Variants in ATP8B4 observed in about 807,000 individuals in gnomAD.
ATP8B4 encodes probable phospholipid-transporting ATPase IM.
In ATP8B4, 133 loss-of-function variants were observed where a neutral mutation model predicts 145.6. The observed-to-expected ratio is 0.91, with a 90% CI of 0.79 to 1.05. The LOEUF (loss-of-function observed/expected upper bound fraction) is 1.05, where lower values mean the gene tolerates loss of function less well. ATP8B4 is among the 50% of genes least tolerant of loss of function. The probability of loss-of-function intolerance (pLI) is 0.00; values close to 1 mark genes in which losing one functional copy is unlikely to be tolerated. For missense variants in ATP8B4, 1,458 were observed against 1,425.2 expected (o/e 1.02, Z -0.37); for synonymous variants, 507 against 492.9 (o/e 1.03, Z -0.38).
At chr15:49,943,842 G>A (rs1439799576) in intron 14 of ATP8B4, among the ~76,000 whole-genome samples, 1 of 152,158 alleles carries the variant, frequency 6.6e-6, no homozygotes, top group Non-Finnish European at 1.5e-5. Flanking sequence ...TGTAATGGTG[G>A]TAGTTAAATC....
At chr15:50,039,839 G>A (rs1461379168) in intron 5 of ATP8B4, among the ~76,000 whole-genome samples, 1 of 151,918 alleles carries the variant, frequency 6.6e-6, no homozygotes, top group Non-Finnish European at 1.5e-5. Flanking sequence ...ATTATGCTAT[G>A]CCCAGTACAT....
intron 19 of ATP8B4, chr15:49,917,286 T>A: frequency 2.4e-6 from 1 of 419,960 alleles, no homozygotes; most frequent in Non-Finnish European, 4.2e-6. Context: ...TGCAGCCTTC[T>A]CATCTAGTTT....
chr15:50,003,180 C>T (rs557129130), intron 7 of ATP8B4, among the ~76,000 whole-genome samples: 15 of 151,662 alleles, frequency 9.9e-5, no homozygotes, highest in Admixed American at 3.3e-4. Context: ...ATTAGAATTG[C>T]TTTGTTCTTG....
At chr15:50,119,791 TC>T (rs1351834960), upstream of ATP8B4, among the ~76,000 whole-genome samples, 7 of 134,162 alleles carry the variant, frequency 5.2e-5, no homozygotes, top group Non-Finnish European at 9.3e-5. Context: ...CAGGGGAAGT[TC>T]AGCTCTCTTA....
At chr15:50,092,304 C>T (rs2055662283) in intron 2 of ATP8B4, among the ~76,000 whole-genome samples, 2 of 152,074 alleles carry the variant, frequency 1.3e-5, no homozygotes, top group Admixed American at 1.3e-4. Flanking sequence ...TGAAGGAAGA[C>T]ATTATCCAGA....
chr15:49,978,256 G>A (rs551639403), intron 12 of ATP8B4, among the ~76,000 whole-genome samples: 2 of 152,184 alleles, frequency 1.3e-5, no homozygotes, highest in African/African-American at 2.4e-5. Context: ...TAGCTCTTCC[G>A]GCAAAGAGCA....
intron 24 of ATP8B4, among the ~76,000 whole-genome samples, chr15:49,877,311 AACCACAGTGAGC>A (rs1344297214): frequency 6.6e-6 from 1 of 152,180 alleles, no homozygotes. Flanking sequence ...TAATGCTGAT[AACCACAGTGAGC>A]ACCAAAGCCA....
intron 13 of ATP8B4, among the ~76,000 whole-genome samples, chr15:49,965,585 T>C (rs1276134291): frequency 6.6e-6 from 1 of 152,170 alleles, no homozygotes; most frequent in Non-Finnish European, 1.5e-5. Flanking sequence ...TGTATTCTGA[T>C]AAAAGCACGC....
At chr15:50,075,088 A>G (rs2054091758) in intron 2 of ATP8B4, among the ~76,000 whole-genome samples, 1 of 152,174 alleles carries the variant, frequency 6.6e-6, no homozygotes, top group African/African-American at 2.4e-5. Flanking sequence ...GGTAGGTGAC[A>G]GGTGGTAAAA....
chr15:50,148,010 CAGTT>C (rs1372813880), intron 1 of ATP8B4, among the ~76,000 whole-genome samples: 1 of 152,176 alleles, frequency 6.6e-6, no homozygotes, highest in Non-Finnish European at 1.5e-5. Flanking sequence ...ATGCATCTAG[CAGTT>C]AGCATTTCTA....
chr15:50,070,380 T>G (rs2053649218), intron 3 of ATP8B4, among the ~76,000 whole-genome samples: 2 of 152,204 alleles, frequency 1.3e-5, no homozygotes, highest in Non-Finnish European at 2.9e-5. Context: ...ATAGGGTTGT[T>G]GTATTTTACT....
chr15:49,929,683 T>C (rs768295549), intron 16 of ATP8B4, among the ~76,000 whole-genome samples: 2 of 151,752 alleles, frequency 1.3e-5, no homozygotes, highest in Non-Finnish European at 2.9e-5. Context: ...AGGAGAATAG[T>C]CAGCAAAGGA....
intron 12 of ATP8B4, among the ~76,000 whole-genome samples, chr15:49,978,746 AC>A (rs1159918574): frequency 8.4e-5 from 8 of 94,740 alleles, no homozygotes; most frequent in South Asian, 3.8e-4. Flanking sequence ...AAATACACAC[AC>A]ACACACACAC....
At chr15:49,994,643 C>T (rs2047281228) in intron 9 of ATP8B4, among the ~76,000 whole-genome samples, 2 of 151,780 alleles carry the variant, frequency 1.3e-5, no homozygotes, top group East Asian at 1.9e-4. Context: ...AAAAGCCAAG[C>T]AGGGTATGGT....
Position 49,920,300 on chromosome 15 carries a change from T to C in ATP8B4, c.1869A>G (p.Glu623=), listed in dbSNP as rs765715993. Reference sequence around the variant, plus strand: ...GCCCAGCTATTCGTTCATCCCTCTCTTCTGTGGCAGCATTCGCATCTTCAA... The same window carrying C: ...GCCCAGCTATTCGTTCATCCCTCTCCTCTGTGGCAGCATTCGCATCTTCAA... The part of the protein sequence containing the change: ...KMLEDANAAT[E]ERDERIAGLY... Residue 623 remains glutamate, a synonymous_variant, in exon 18 of 28, where the codon GAA becomes GAG. Coordinates refer to ENST00000284509, the MANE Select transcript of ATP8B4 (RefSeq NM_024837.4). 6.2e-6 allele frequency: 10 copies of C among 1,614,094 alleles called. No individual in the cohort carries two copies. The highest frequency in any genetic ancestry group is 8.5e-6 in the Non-Finnish European group (10 of 1,180,052).
chr15:50,018,819 G>T, intron 6 of ATP8B4: 1 of 732,014 alleles, frequency 1.4e-6, no homozygotes, highest in Non-Finnish European at 2.0e-6. Context: ...ACAGATTTCA[G>T]TCAGGATTTA....
At chr15:50,076,298 C>G (rs574048623) in intron 2 of ATP8B4, among the ~76,000 whole-genome samples, 1 of 152,198 alleles carries the variant, frequency 6.6e-6, no homozygotes, top group Non-Finnish European at 1.5e-5. Context: ...TCGAGACCAT[C>G]CTGGCCAACA....
intron 10 of ATP8B4, among the ~76,000 whole-genome samples, chr15:49,987,039 A>G (rs1375732598): frequency 1.3e-5 from 2 of 152,208 alleles, no homozygotes; most frequent in South Asian, 2.1e-4. Flanking sequence ...GCTTTCTTTC[A>G]TACTCTTACC....
intron 7 of ATP8B4, among the ~76,000 whole-genome samples, chr15:50,005,252 C>A (rs1567182994): frequency 6.6e-6 from 1 of 152,134 alleles, no homozygotes; most frequent in Non-Finnish European, 1.5e-5. Flanking sequence ...AACAAATATT[C>A]CCATCAGAAG....
Sources: gnomAD v4.1 joint callset for allele counts (sites outside exome capture counted in the v4.1 genomes callset) on GRCh38, gnomAD v4.1.1 for gene constraint, MANE v1.5 for transcripts, NCBI Gene and HGNC (gene_info 2026-07-23, HGNC 2026-07-21) for gene names.